Variants in LMX1B observed in about 807,000 individuals in gnomAD.
LMX1B encodes LIM homeobox transcription factor 1-beta.
Under a neutral mutation model 51.4 loss-of-function variants are expected in LMX1B, and 12 were observed. The observed-to-expected ratio is 0.23, with a 90% CI of 0.15 to 0.38. The LOEUF (loss-of-function observed/expected upper bound fraction) is 0.38, where lower values mean the gene tolerates loss of function less well. LMX1B is among the 10% of genes least tolerant of loss of function. LMX1B has a pLI of 1.00. For synonymous variants in LMX1B, 237 were observed against 235.4 expected (o/e 1.01, Z -0.06); for missense variants, 445 against 571.1 (o/e 0.78, Z 2.25).
Position 126,615,354 on chromosome 9 carries a change from C to T in LMX1B, c.140-29C>T, listed in dbSNP as rs772924110. 4.0e-6 allele frequency: 6 copies of T among 1,511,882 alleles called. No homozygotes were observed. The African/African-American group carries it at 4.3e-5, about 11-fold the overall frequency. The allele number at this position is 1,511,882 out of a possible 1,614,324, so 93.7% of individuals were successfully genotyped here. ...CCGGGGCTGGGCCGGGCGGCGCTGA[C>T]GGCCGGGCTTTCGCCCTGTGCGCTA... On this transcript the variant is annotated intron_variant, in intron 1 of 7. Coordinates refer to ENST00000373474, the MANE Select transcript of LMX1B (RefSeq NM_001174147.2). The surrounding 1 kb of genome is among the most constrained non-coding windows in gnomAD (Gnocchi z 6.0).
chr9:126,660,824 T>G (rs947885889), intron 2 of LMX1B, among the ~76,000 whole-genome samples: 1 of 152,304 alleles, frequency 6.6e-6, no homozygotes. Context: ...CCAAGCCAGT[T>G]GAAGTCAATG....
At chr9:126,637,822 T>TTCC (rs1564151130) in intron 2 of LMX1B, among the ~76,000 whole-genome samples, 22 of 91,998 alleles carry the variant, frequency 2.4e-4, no homozygotes, top group Non-Finnish European at 3.7e-4. Context: ...GTGCCTGTCC[T>TTCC]CCCCCCCCCC....
intron 2 of LMX1B, among the ~76,000 whole-genome samples, chr9:126,664,185 G>C (rs184639170): frequency 1.3e-5 from 2 of 151,908 alleles, no homozygotes; most frequent in Non-Finnish European, 2.9e-5. Flanking sequence ...TGAGGCTGTC[G>C]GGGGGGTCTC....
chr9:126,643,600 C>T (rs574047188), intron 2 of LMX1B, among the ~76,000 whole-genome samples: 1 of 152,092 alleles, frequency 6.6e-6, no homozygotes, highest in African/African-American at 2.4e-5. Context: ...ATTCATTATC[C>T]CAGCTGGGAC....
intron 2 of LMX1B, among the ~76,000 whole-genome samples, chr9:126,674,694 C>T (rs1178825204): frequency 6.6e-6 from 1 of 152,210 alleles, no homozygotes; most frequent in Non-Finnish European, 1.5e-5. Flanking sequence ...GAGGGAGCCA[C>T]TCCAGGTTTC....
chr9:126,690,773 C>A, intron 2 of LMX1B, 63 bp from the exon 3 acceptor site: 1 of 1,418,286 alleles, frequency 7.1e-7, no homozygotes, highest in Non-Finnish European at 9.7e-7. Context: ...AGGCCCTCGG[C>A]AGGAGTGGCC....
chr9:126,696,135 C>A, intron 7 of LMX1B, 132 bp downstream of exon 7: 2 of 1,159,874 alleles, frequency 1.7e-6, no homozygotes, highest in Non-Finnish European at 2.5e-6. Context: ...GCCCTCCTGC[C>A]CCTGCTGACA....
chr9:126,638,763 A>AG (rs1835759773), intron 2 of LMX1B, among the ~76,000 whole-genome samples: 1 of 152,096 alleles, frequency 6.6e-6, no homozygotes, highest in African/African-American at 2.4e-5. Context: ...CCGGTGAAAA[A>AG]TTAACACGGG....
chr9:126,686,279 C>CAAAAAAAA (rs5900718), intron 2 of LMX1B, among the ~76,000 whole-genome samples: 3 of 93,866 alleles, frequency 3.2e-5, no homozygotes, highest in African/African-American at 8.6e-5. Flanking sequence ...GACTCCATCT[C>CAAAAAAAA]AAAAAAAAAA....
rs1835504447 is a variant in LMX1B at position 126,625,413 on chromosome 9, G to A, written c.326+9844G>A. ...TGACCGAGAGCACGGGTCCTGCTCT[G>A]TCCCCTCTTCCCAGGAAAGGTGGCA... is the stretch of plus-strand genomic sequence containing the variant. On this transcript the variant is annotated intron_variant, in intron 2 of 7. Transcript: ENST00000373474. The surrounding 1 kb of genome is among the most constrained non-coding windows in gnomAD (Gnocchi z 5.3). 6.6e-6 allele frequency among the ~76,000 whole-genome samples: 1 copy of A among 152,218 alleles called. No homozygotes were observed. The highest frequency in any genetic ancestry group is 2.4e-5 in the African/African-American group (1 of 41,450).
intron 2 of LMX1B, among the ~76,000 whole-genome samples, chr9:126,655,864 T>C (rs1424507316): frequency 6.6e-6 from 1 of 152,234 alleles, no homozygotes; most frequent in East Asian, 1.9e-4. Context: ...AGCTGCGCCA[T>C]GGATGTCAGG....
At chr9:126,696,139 G>A in intron 7 of LMX1B, 136 bp downstream of exon 7, 1 of 1,157,928 alleles carries the variant, frequency 8.6e-7, no homozygotes, top group Non-Finnish European at 1.3e-6. Context: ...TCCTGCCCCT[G>A]CTGACAGGAA....
chr9:126,661,076 C>T (rs1588287076), intron 2 of LMX1B, among the ~76,000 whole-genome samples: 1 of 152,224 alleles, frequency 6.6e-6, no homozygotes, highest in African/African-American at 2.4e-5. Context: ...TGGAAAACAT[C>T]CCACATGGGA....
At chr9:126,678,658 A>G (rs557980378) in intron 2 of LMX1B, among the ~76,000 whole-genome samples, 56 of 152,342 alleles carry the variant, frequency 3.7e-4, no homozygotes, top group African/African-American at 1.3e-3. Context: ...ATAACTGACA[A>G]CGGTGACACG....
At chr9:126,627,698 G>A (rs116100501) in intron 2 of LMX1B, among the ~76,000 whole-genome samples, 43 of 152,234 alleles carry the variant, frequency 2.8e-4, no homozygotes, top group African/African-American at 1.0e-3. Context: ...GTGCAGCAGG[G>A]CCACACTCAC....
chr9:126,681,601 G>T (rs993337159), intron 2 of LMX1B, among the ~76,000 whole-genome samples: 3 of 152,008 alleles, frequency 2.0e-5, no homozygotes, highest in Admixed American at 6.6e-5. Context: ...TAAGGAACCT[G>T]GTTAAAATGC....
intron 2 of LMX1B, among the ~76,000 whole-genome samples, chr9:126,683,250 A>T (rs1836710326): frequency 6.6e-6 from 1 of 151,176 alleles, no homozygotes; most frequent in Non-Finnish European, 1.5e-5. Flanking sequence ...CGCGCATTCC[A>T]GCCGCGTGAT....
At chr9:126,672,476 T>A (rs530687111) in intron 2 of LMX1B, among the ~76,000 whole-genome samples, 17 of 152,178 alleles carry the variant, frequency 1.1e-4, no homozygotes, top group South Asian at 2.1e-4. Context: ...ATTTTATTTT[T>A]TTTCCCAGAG....
chr9:126,621,993 C>T (rs1276312321), intron 2 of LMX1B, among the ~76,000 whole-genome samples: 3 of 152,150 alleles, frequency 2.0e-5, no homozygotes, highest in Non-Finnish European at 4.4e-5. Context: ...TGCGTGGGCC[C>T]TTCCTTTGTT....
Sources: allele counts gnomAD v4.1 joint callset (sites outside exome capture counted in the v4.1 genomes callset), GRCh38; gene constraint gnomAD v4.1.1; non-coding constraint Gnocchi (gnomAD v3.1); transcripts MANE v1.5; gene names NCBI Gene and HGNC (gene_info 2026-07-23, HGNC 2026-07-21).